The following DYNC2I1 variants were observed in gnomAD, a reference collection of about 807,000 sequenced individuals.
The protein encoded by DYNC2I1 is dynein 2 intermediate chain 1.
In DYNC2I1, 89 loss-of-function variants were observed where a neutral mutation model predicts 133.4. The observed-to-expected ratio is 0.67, with a 90% CI of 0.56 to 0.80. The LOEUF is 0.80. Among genes scored for constraint, DYNC2I1 ranks in the 30% least tolerant of loss-of-function variants. The probability of loss-of-function intolerance (pLI) is 0.00; values close to 1 mark genes in which losing one functional copy is unlikely to be tolerated. For synonymous variants in DYNC2I1, 504 were observed against 484.3 expected (o/e 1.04, Z -0.54); for missense variants, 1,291 against 1,314.5 (o/e 0.98, Z 0.28).
Position 158,927,738 on chromosome 7 carries a change from G to A in DYNC2I1, c.2485+695G>A, listed in dbSNP as rs1349844954. Among the ~76,000 whole-genome samples the A allele has an allele frequency of 3.3e-5, 5 of 152,114 alleles. No homozygotes were observed. The East Asian group carries it at 9.7e-4, about 29-fold the overall frequency. On this transcript the variant is annotated intron_variant, in intron 20 of 24. Coordinates refer to ENST00000407559, the MANE Select transcript of DYNC2I1 (RefSeq NM_018051.5). ...GGCTAATTTTTGTATTTTTAGTAGA[G>A]ACAGGGTTTCACCATGTTGGTCAGG...
At chr7:158,879,088 C>A (rs1843729659) in intron 4 of DYNC2I1, among the ~76,000 whole-genome samples, 1 of 152,118 alleles carries the variant, frequency 6.6e-6, no homozygotes, top group African/African-American at 2.4e-5. Flanking sequence ...GCATTGCTTT[C>A]TCTGTGGGAG....
At chr7:158,860,096 C>G (rs904639303) in intron 1 of DYNC2I1, among the ~76,000 whole-genome samples, 4 of 151,840 alleles carry the variant, frequency 2.6e-5, no homozygotes, top group African/African-American at 9.7e-5. Flanking sequence ...ACTCTTGTCC[C>G]CTAGGCTGGA....
chr7:158,909,908 G>C (rs558869318), intron 11 of DYNC2I1, among the ~76,000 whole-genome samples: 9 of 152,196 alleles, frequency 5.9e-5, no homozygotes, highest in Non-Finnish European at 1.3e-4. Context: ...CTGCAGGCCT[G>C]TGCTCTAGGA....
At chr7:158,925,772 C>G (rs991744798) in intron 17 of DYNC2I1, among the ~76,000 whole-genome samples, 3 of 152,128 alleles carry the variant, frequency 2.0e-5, no homozygotes, top group African/African-American at 4.8e-5. Flanking sequence ...GTTCACGTCC[C>G]CCTTCCCATC....
At chr7:158,868,057 C>T (rs1313469273) in intron 1 of DYNC2I1, among the ~76,000 whole-genome samples, 1 of 152,102 alleles carries the variant, frequency 6.6e-6, no homozygotes, top group Admixed American at 6.5e-5. Context: ...GCACTCCAGC[C>T]TGGGTGACAG....
chr7:158,873,220 G>T (rs1843035311), intron 3 of DYNC2I1, among the ~76,000 whole-genome samples: 1 of 151,934 alleles, frequency 6.6e-6, no homozygotes, highest in African/African-American at 2.4e-5. Context: ...GTATTTTTTG[G>T]TTATATAGGT....
the DYNC2I1 span, among the ~76,000 whole-genome samples, chr7:158,851,027 G>C: frequency 1.3e-5 from 2 of 151,760 alleles, no homozygotes; most frequent in East Asian, 3.9e-4. Flanking sequence ...TCTAGTTAAA[G>C]AAGAGTCAAG....
chr7:158,946,804 G>A (rs1487163872), downstream of DYNC2I1, among the ~76,000 whole-genome samples: 1 of 152,218 alleles, frequency 6.6e-6, no homozygotes, highest in Admixed American at 6.5e-5. Context: ...TCCCAGCACC[G>A]TTGGCCATCG....
intron 20 of DYNC2I1, among the ~76,000 whole-genome samples, chr7:158,929,475 C>G (rs551285224): frequency 6.6e-6 from 1 of 151,734 alleles, no homozygotes; most frequent in Non-Finnish European, 1.5e-5. Flanking sequence ...TGGGCTATGG[C>G]GTGTAGGGGC....
rs1159792170 is a variant in DYNC2I1, at chr7:158,914,874, A to G, written c.1791+553A>G. Among the ~76,000 whole-genome samples the G allele has an allele frequency of 9.2e-5, 14 of 152,356 alleles. No homozygotes were observed. The East Asian group carries it at 2.5e-3, about 27-fold the overall frequency. On this transcript the variant is annotated intron_variant, in intron 14 of 24. Coordinates refer to ENST00000407559, the MANE Select transcript of DYNC2I1 (RefSeq NM_018051.5). ...CTAACTTTGCCTCCAAATACAGTTC[A>G]GTATGAATCTCAAAAAGCAGAGAAT...
chr7:158,925,221 C>T (rs1849493811), intron 17 of DYNC2I1, among the ~76,000 whole-genome samples: 1 of 152,204 alleles, frequency 6.6e-6, no homozygotes, highest in Non-Finnish European at 1.5e-5. Flanking sequence ...TCTGGGTCCT[C>T]TCACTTAGAC....
At chr7:158,942,830 A>G (rs1851507521) in intron 24 of DYNC2I1, among the ~76,000 whole-genome samples, 1 of 152,196 alleles carries the variant, frequency 6.6e-6, no homozygotes, top group Admixed American at 6.5e-5. Flanking sequence ...TGGGGCGTGC[A>G]TGTCAGTTCA....
chr7:158,891,817 A>G (rs766845513), intron 8 of DYNC2I1, among the ~76,000 whole-genome samples: 19 of 152,250 alleles, frequency 1.2e-4, no homozygotes, highest in Non-Finnish European at 2.4e-4. Flanking sequence ...TATATATGCA[A>G]AACTGGATAG....
At chr7:158,918,682 T>G in intron 14 of DYNC2I1, 58 bp from the exon 15 acceptor site, 1 of 1,587,416 alleles carries the variant, frequency 6.3e-7, no homozygotes, top group Non-Finnish European at 8.6e-7. Flanking sequence ...AATTTTTTTT[T>G]GGAAAAGATA....
chr7:158,951,874 G>A (rs957084036), intron 4 of DYNC2I1, among the ~76,000 whole-genome samples: 3 of 152,162 alleles, frequency 2.0e-5, no homozygotes. Context: ...CTCGGGGGAC[G>A]TGAGGGCTTC....
the DYNC2I1 span, among the ~76,000 whole-genome samples, chr7:158,851,381 A>T: frequency 6.6e-6 from 1 of 152,032 alleles, no homozygotes; most frequent in Admixed American, 6.5e-5. Flanking sequence ...AAAAGTACAA[A>T]AATTAGCTGG....
intron 7 of DYNC2I1, among the ~76,000 whole-genome samples, chr7:158,890,620 T>C (rs1449747322): frequency 6.6e-6 from 1 of 151,958 alleles, no homozygotes; most frequent in Admixed American, 6.6e-5. Flanking sequence ...TCTTTGAGAC[T>C]GAGTTTCGCT....
At position 158,902,366 on chromosome 7, in the gene DYNC2I1, T is replaced by C. The variant is rs1251536811; in HGVS notation, c.1138-10T>C. ...CTTAAAGGGTTCCAAAAGATTATTA[T>C]TGTTTGCAGGACTATGAAGATGACT... On this transcript the variant is annotated splice_polypyrimidine_tract_variant and intron_variant, in intron 9 of 24. Transcript: ENST00000407559. 4 of 1,606,278 alleles carry C rather than the reference T, an allele frequency of 2.5e-6. No homozygotes were observed. The highest frequency in any genetic ancestry group is 1.3e-5 in the African/African-American group (1 of 74,478).
the DYNC2I1 span, among the ~76,000 whole-genome samples, chr7:158,849,951 G>T: frequency 6.6e-6 from 1 of 152,212 alleles, no homozygotes; most frequent in Admixed American, 6.5e-5. Flanking sequence ...GCCCTCCCTG[G>T]CCTAGAGGTG....
Sources: gnomAD v4.1 joint callset for allele counts (sites outside exome capture counted in the v4.1 genomes callset) on GRCh38, gnomAD v4.1.1 for gene constraint, MANE v1.5 for transcripts, NCBI Gene and HGNC (gene_info 2026-07-23, HGNC 2026-07-21) for gene names.